DNAH17: variants seen among roughly 807,000 people sequenced by gnomAD.
The protein encoded by DNAH17 is axonemal beta dynein heavy chain 17.
A neutral mutation model predicts 485.6 loss-of-function variants in DNAH17; 376 were observed. That is an observed-to-expected ratio of 0.77 (90% CI 0.71 to 0.84). The LOEUF (loss-of-function observed/expected upper bound fraction) is 0.84. Ranked by LOEUF, DNAH17 falls within the 40% of genes least tolerant of loss-of-function variation. The pLI, the probability that DNAH17 is intolerant of heterozygous loss-of-function variation, is 0.00. For missense variants in DNAH17, 6,370 were observed against 5,839.3 expected (o/e 1.09, Z -2.96); for synonymous variants, 3,031 against 2,405.9 (o/e 1.26, Z -7.60).
rs565511006 is a variant in DNAH17 at position 78,507,710 on chromosome 17, C to T, written c.4332G>A (p.Val1444=). Residue 1444 remains valine, a synonymous_variant, in exon 28 of 81, where the codon GTG becomes GTA. Transcript: ENST00000389840. ...GGTTGTCCTCCAGCGTCTCCACCAGCACCTCGCTGGACTTGAGCATCATGG... is the reference window on the plus strand; with the variant it reads ...GGTTGTCCTCCAGCGTCTCCACCAGTACCTCGCTGGACTTGAGCATCATGG... The part of the protein sequence containing the change: ...TGTMMLKSSE[V]LVETLEDNQV... The T allele has an allele frequency of 6.8e-6, 11 of 1,608,346 alleles. No homozygotes were observed. The highest frequency in any genetic ancestry group is 1.7e-5 in the Admixed American group (1 of 59,846).
chr17:78,560,203 A>G (rs2092122204), intron 13 of DNAH17, among the ~76,000 whole-genome samples: 1 of 152,182 alleles, frequency 6.6e-6, no homozygotes, highest in African/African-American at 2.4e-5. Flanking sequence ...TACATGTAGT[A>G]GGTGCTCAGT....
intron 71 of DNAH17, among the ~76,000 whole-genome samples, chr17:78,444,327 A>G (rs1177070672): frequency 6.6e-6 from 1 of 152,198 alleles, no homozygotes; most frequent in African/African-American, 2.4e-5. Context: ...GCGGGGGACA[A>G]GGGGTTCCCC....
chr17:78,509,805 T>C (rs1185445895), intron 27 of DNAH17, among the ~76,000 whole-genome samples: 2 of 151,754 alleles, frequency 1.3e-5, no homozygotes, highest in Non-Finnish European at 2.9e-5. Flanking sequence ...GAAATGCGAG[T>C]TCTGGTTATT....
At chr17:78,484,744 C>CCTGCCGCCCCCACCGCA (rs2089516527) in intron 48 of DNAH17, 124 bp downstream of exon 48, 1 of 428,096 alleles carries the variant, frequency 2.3e-6, no homozygotes, top group African/African-American at 2.1e-5. Flanking sequence ...GCAGCACCCC[C>CCTGCCGCCCCCACCGCA]CCCACCGCCC....
chr17:78,555,827 T>G (rs538312939), intron 14 of DNAH17, among the ~76,000 whole-genome samples: 1 of 152,150 alleles, frequency 6.6e-6, no homozygotes, highest in East Asian at 1.9e-4. Flanking sequence ...AGGGCCTGAA[T>G]AGCACAAAAG....
intron 75 of DNAH17, among the ~76,000 whole-genome samples, chr17:78,429,620 G>GCTGTGCCTCA (rs943297633): frequency 6.6e-6 from 1 of 152,326 alleles, no homozygotes; most frequent in South Asian, 2.1e-4. Context: ...AGGTGTTTCT[G>GCTGTGCCTCA]CTGTGCCTCA....
Position 78,494,092 on chromosome 17 carries a change from G to A in DNAH17, c.6352C>T (p.Leu2118=), listed in dbSNP as rs756621289. The change falls in exon 41 of 81, where the codon CTG becomes TTG. Residue 2118 remains leucine (L), a synonymous_variant. Transcript: ENST00000389840. ...ATGAACACGGAGTGGCGGACCTGCA[G>A]CAGCTCCTCCAGCTGCACCACCTTC... ...VLKVVQLEEL[L]QVRHSVFIVG... 6.2e-7 allele frequency: 1 copy of A among 1,612,786 alleles called. No homozygotes were observed. The highest frequency in any genetic ancestry group is 1.1e-5 in the South Asian group (1 of 91,020).
At chr17:78,462,523 A>G (rs2088186338) in intron 57 of DNAH17, among the ~76,000 whole-genome samples, 1 of 152,206 alleles carries the variant, frequency 6.6e-6, no homozygotes, top group African/African-American at 2.4e-5. Flanking sequence ...GGTATTTACG[A>G]ATGAACAAAT....
chr17:78,428,739 A>G, intron 76 of DNAH17, 32 bp from the exon 77 acceptor site: 1 of 1,611,336 alleles, frequency 6.2e-7, no homozygotes, highest in Non-Finnish European at 8.5e-7. Flanking sequence ...AAGCAGAGGC[A>G]AAGCTGTGCA....
intron 20 of DNAH17, among the ~76,000 whole-genome samples, chr17:78,531,229 G>A (rs1429710387): frequency 6.6e-6 from 1 of 152,028 alleles, no homozygotes; most frequent in Non-Finnish European, 1.5e-5. Context: ...CTCTGGTGCT[G>A]GGCGCATAGA....
chr17:78,549,664 G>C (rs1264257536), intron 16 of DNAH17, among the ~76,000 whole-genome samples: 1 of 152,180 alleles, frequency 6.6e-6, no homozygotes, highest in African/African-American at 2.4e-5. Context: ...GTAAGACAGT[G>C]GGTCTCAGAG....
chr17:78,494,838 A>G lies in DNAH17; in HGVS notation c.6043-18T>C, dbSNP rs190282855. ...TAATGATCCTGCGGGCAGTGGGCAC[A>G]GGTGGGCAGACGTGAGCTCACCTTC... is the stretch of plus-strand genomic sequence containing the variant. On this transcript the variant is annotated intron_variant, in intron 39 of 80. Coordinates refer to ENST00000389840, the MANE Select transcript of DNAH17 (RefSeq NM_173628.4). 8.1e-5 allele frequency: 128 copies of G among 1,587,070 alleles called. 1 individual carries two copies. In the East Asian group the frequency reaches 2.5e-3, roughly 30 times the overall value.
intron 71 of DNAH17, among the ~76,000 whole-genome samples, chr17:78,443,345 G>A (rs369370158): frequency 2.6e-5 from 4 of 152,044 alleles, no homozygotes; most frequent in Non-Finnish European, 4.4e-5. Flanking sequence ...CCTGACCCCC[G>A]CTTCCTCCAG....
chr17:78,573,597 C>CA (rs112944174), intron 2 of DNAH17, among the ~76,000 whole-genome samples: 9,112 of 119,430 alleles, frequency 0.076, 483 homozygotes, highest in Admixed American at 0.15. Flanking sequence ...AAAATACTGT[C>CA]AAAAAAAAAA....
At position 78,537,452 on chromosome 17, in the gene DNAH17, G is replaced by T; in HGVS notation, c.2706C>A (p.Arg902=). Reference sequence around the variant, plus strand: ...TCAGCCCATCCTCGTCCAGCTCCATGCGGATCTCAAACAGGGGAGCGATAC... The same window carrying T: ...TCAGCCCATCCTCGTCCAGCTCCATTCGGATCTCAAACAGGGGAGCGATAC... The part of the protein sequence containing the change: ...DESIAPLFEI[R]MELDEDGLTF... Residue 902 remains arginine (R), a synonymous_variant, in exon 19 of 81, where the codon CGC becomes CGA. Transcript: ENST00000389840. 6.2e-7 allele frequency: 1 copy of T among 1,613,432 alleles called. No individual in the cohort carries two copies. The highest frequency in any genetic ancestry group is 8.5e-7 in the Non-Finnish European group (1 of 1,179,846).
intron 64 of DNAH17, among the ~76,000 whole-genome samples, 168 bp from the exon 65 acceptor site, chr17:78,453,633 G>A (rs1466754641): frequency 6.6e-6 from 1 of 152,246 alleles, no homozygotes; most frequent in Admixed American, 6.5e-5. Flanking sequence ...GAAAGGAGCC[G>A]AGGGGCTTCT....
chr17:78,461,321 C>T lies in DNAH17; in HGVS notation c.9339+223G>A, dbSNP rs550884802. Among the ~76,000 whole-genome samples the T allele has an allele frequency of 1.2e-4, 19 of 152,306 alleles. No homozygotes were observed. The South Asian group carries it at 1.9e-3, about 15-fold the overall frequency. On this transcript the variant is annotated intron_variant, in intron 58 of 80. Transcript: ENST00000389840. Reference sequence around the variant, plus strand: ...GCTGGGGGCTGAACATGGAGGAGCTCGGCCACGGGATGGGAGTTTTCTAAG... The same window carrying T: ...GCTGGGGGCTGAACATGGAGGAGCTTGGCCACGGGATGGGAGTTTTCTAAG...
At chr17:78,500,162 G>A in intron 36 of DNAH17, 143 bp downstream of exon 36, 1 of 912,450 alleles carries the variant, frequency 1.1e-6, no homozygotes, top group Non-Finnish European at 1.6e-6. Flanking sequence ...CCAGCAAGTG[G>A]GGGCCCTGGC....
intron 71 of DNAH17, among the ~76,000 whole-genome samples, chr17:78,444,250 G>A (rs74001336): frequency 0.016 from 2,451 of 152,276 alleles, 62 homozygotes; most frequent in African/African-American, 0.056. Flanking sequence ...TTTCAATGTA[G>A]GAGGCTCATG....
Sources: gnomAD v4.1 joint callset for allele counts (sites outside exome capture counted in the v4.1 genomes callset) on GRCh38, gnomAD v4.1.1 for gene constraint, MANE v1.5 for transcripts, NCBI Gene and HGNC (gene_info 2026-07-23, HGNC 2026-07-21) for gene names.